SAMD8: variants seen among roughly 807,000 people sequenced by gnomAD.
SAMD8 encodes sterile alpha motif domain containing 8.
In SAMD8, 20 loss-of-function variants were observed where a neutral mutation model predicts 42.0. The observed-to-expected ratio is 0.48, with a 90% CI of 0.34 to 0.69. The LOEUF (loss-of-function observed/expected upper bound fraction) is 0.69. SAMD8 is among the 30% of genes least tolerant of loss of function. SAMD8 has a pLI of 0.01. For missense variants in SAMD8, 328 were observed against 511.6 expected (o/e 0.64, Z 3.46); for synonymous variants, 162 against 173.0 (o/e 0.94, Z 0.50).
intron 1 of SAMD8, among the ~76,000 whole-genome samples, chr10:75,121,382 A>T (rs557469199): frequency 1.3e-5 from 2 of 152,160 alleles, no homozygotes; most frequent in African/African-American, 4.8e-5. Flanking sequence ...CTCTAGCCTT[A>T]GTTTCTTCAG....
intron 3 of SAMD8, among the ~76,000 whole-genome samples, chr10:75,165,398 C>T (rs1342807306): frequency 3.3e-5 from 5 of 151,870 alleles, no homozygotes; most frequent in Admixed American, 2.0e-4. Context: ...TGGCCGGGCA[C>T]GGTGGCTCAT....
intron 1 of SAMD8, among the ~76,000 whole-genome samples, chr10:75,100,346 G>C (rs1848079035): frequency 6.6e-6 from 1 of 152,134 alleles, no homozygotes; most frequent in Non-Finnish European, 1.5e-5. Flanking sequence ...CCGATGCTCA[G>C]GGTGTTGCCC....
intron 4 of SAMD8, among the ~76,000 whole-genome samples, chr10:75,172,410 T>C (rs1840889509): frequency 6.6e-6 from 1 of 152,032 alleles, no homozygotes; most frequent in South Asian, 2.1e-4. Flanking sequence ...CATAGCTCAC[T>C]GTCAGCCTAA....
chr10:75,174,185 A>G (rs1352142859), intron 4 of SAMD8, among the ~76,000 whole-genome samples: 2 of 152,118 alleles, frequency 1.3e-5, no homozygotes, highest in Non-Finnish European at 2.9e-5. Context: ...GCTAGAGTGC[A>G]GTGGCGCGAT....
chr10:75,123,788 TCAA>T (rs1849061898), intron 1 of SAMD8, among the ~76,000 whole-genome samples: 1 of 151,936 alleles, frequency 6.6e-6, no homozygotes, highest in Non-Finnish European at 1.5e-5. Flanking sequence ...CCTCCAGGGC[TCAA>T]GCGACTCTCC....
In SAMD8 at chr10:75,181,583, T is replaced by C. The variant is rs1001234106; in HGVS notation, c.*4891T>C. The C allele has an allele frequency of 1.4e-4, 21 of 152,236 alleles. No individual in the cohort carries two copies. Among genetic ancestry groups the C allele is most frequent in the African/African-American group, 4.1e-4 (17 of 41,462 alleles). The allele number at this position is 152,236 out of a possible 1,614,324, so 9.4% of individuals were successfully genotyped here. On this transcript the variant is annotated 3_prime_UTR_variant, in exon 6 of 6. Transcript: ENST00000542569. Reference sequence around the variant, plus strand: ...CTACCCTAAATTAACCAAAGGACTTTTTATTCAGTGTATTCCATGTTTCAG... The same window carrying C: ...CTACCCTAAATTAACCAAAGGACTTCTTATTCAGTGTATTCCATGTTTCAG...
At chr10:75,107,995 C>G (rs41280430), upstream of SAMD8, 58,044 of 1,611,230 alleles carry the variant, frequency 0.036, 1,302 homozygotes, top group Non-Finnish European at 0.044. Context: ...GTCCTACCCC[C>G]AGGCGTGTTG....
chr10:75,103,144 A>G (rs1405639892), intron 1 of SAMD8, among the ~76,000 whole-genome samples: 1 of 152,238 alleles, frequency 6.6e-6, no homozygotes, highest in African/African-American at 2.4e-5. Context: ...GTATTATAGA[A>G]GAAGGGCAGG....
chr10:75,115,173 C>A (rs1589929925), intron 1 of SAMD8, among the ~76,000 whole-genome samples: 1 of 152,276 alleles, frequency 6.6e-6, no homozygotes, highest in East Asian at 1.9e-4. Flanking sequence ...AATGCCGTAT[C>A]TTTAATACTT....
chr10:75,145,534 A>G (rs576037774), intron 1 of SAMD8, among the ~76,000 whole-genome samples: 15 of 152,274 alleles, frequency 9.9e-5, no homozygotes, highest in South Asian at 4.1e-4. Context: ...CTGTTCAACT[A>G]CTTGAACAGA....
chr10:75,105,858 C>T (rs767649091), intron 1 of SAMD8: 1 of 1,549,082 alleles, frequency 6.5e-7, no homozygotes, highest in African/African-American at 1.4e-5. Flanking sequence ...CACAGTGCAC[C>T]AGGACCTTGG....
In SAMD8 at chr10:75,164,723, T is replaced by TC; in HGVS notation, c.658dup (p.Leu220ProfsTer15). 6.2e-7 allele frequency: 1 copy of TC among 1,613,312 alleles called. No individual in the cohort carries two copies. Among genetic ancestry groups the TC allele is most frequent in the African/African-American group, 1.3e-5 (1 of 75,024 alleles). On this transcript the variant is annotated frameshift_variant, in exon 3 of 6. Coordinates refer to ENST00000542569, the MANE Select transcript of SAMD8 (RefSeq NM_001174156.2). LOFTEE classifies it high-confidence loss of function. ...TGTGCTATATTTGGCTCCTGGTTCT[T>TC]CTTCTTCACAAGCACAGGTACCTCA...
intron 1 of SAMD8, among the ~76,000 whole-genome samples, chr10:75,113,829 A>G (rs555674372): frequency 2.0e-5 from 3 of 152,274 alleles, no homozygotes; most frequent in Admixed American, 1.3e-4. Context: ...TCCTCTGGAG[A>G]CCTTATCTTC....
At chr10:75,154,343 C>T (rs765761297) in intron 2 of SAMD8, among the ~76,000 whole-genome samples, 12 of 152,184 alleles carry the variant, frequency 7.9e-5, no homozygotes, top group Admixed American at 3.3e-4. Context: ...CCCTTCTATA[C>T]AGTTTTTCCA....
chr10:75,171,167 T>C (rs966313708), intron 4 of SAMD8, among the ~76,000 whole-genome samples: 8 of 119,976 alleles, frequency 6.7e-5, no homozygotes, highest in African/African-American at 1.1e-4. Context: ...TTTCTTTTTT[T>C]TTTTTTTTTT....
At chr10:75,155,362 A>G (rs1030789704) in intron 2 of SAMD8, among the ~76,000 whole-genome samples, 1 of 152,190 alleles carries the variant, frequency 6.6e-6, no homozygotes, top group African/African-American at 2.4e-5. Context: ...AGAGATGGAA[A>G]TATGAGCAGA....
In SAMD8 at chr10:75,168,543, C is replaced by A; in HGVS notation, c.677C>A (p.Ser226Ter). The A allele has an allele frequency of 1.2e-6, 2 of 1,612,726 alleles. No individual in the cohort carries two copies. Among genetic ancestry groups the A allele is most frequent in the South Asian group, 2.2e-5 (2 of 91,010 alleles). ...LLVLLLHKHR[S>*]ILLRRLCSLM... ...CCTTTTTGGTTGATCTGTTACAGGT[C>A]AATACTTCTGCGAAGGCTCTGTAGT... The change falls in exon 4 of 6, where the codon TCA becomes TAA. Residue 226 changes from serine (S) to a stop codon, truncating the protein, a stop_gained and splice_region_variant. Coordinates refer to ENST00000542569, the MANE Select transcript of SAMD8 (RefSeq NM_001174156.2). LOFTEE classifies it high-confidence loss of function.
intron 1 of SAMD8, among the ~76,000 whole-genome samples, chr10:75,131,699 G>A (rs1257912729): frequency 2.6e-5 from 4 of 152,210 alleles, no homozygotes; most frequent in African/African-American, 9.6e-5. Flanking sequence ...TTAAATCTCT[G>A]TTAGAACTTG....
intron 1 of SAMD8, among the ~76,000 whole-genome samples, chr10:75,121,041 T>C (rs1190458205): frequency 6.6e-6 from 1 of 152,138 alleles, no homozygotes; most frequent in Non-Finnish European, 1.5e-5. Flanking sequence ...CCTCCCAAAG[T>C]GCTGGGATTA....
Sources: allele counts gnomAD v4.1 joint callset (sites outside exome capture counted in the v4.1 genomes callset), GRCh38; gene constraint gnomAD v4.1.1; transcripts MANE v1.5; gene names NCBI Gene and HGNC (gene_info 2026-07-23, HGNC 2026-07-21).